The following TTC27 variants were observed in gnomAD, a reference collection of about 807,000 sequenced individuals.
TTC27 encodes the protein tetratricopeptide repeat domain 27.
A neutral mutation model predicts 115.9 loss-of-function variants in TTC27; 79 were observed. The ratio of observed to expected loss-of-function variants is 0.68; its 90% CI spans 0.57 to 0.82. The LOEUF is 0.82. Among genes scored for constraint, TTC27 ranks in the 40% least tolerant of loss-of-function variants. TTC27 has a pLI of 0.00. For synonymous variants in TTC27, 401 were observed against 356.0 expected (o/e 1.13, Z -1.42); for missense variants, 1,054 against 993.1 (o/e 1.06, Z -0.82).
intron 3 of TTC27, among the ~76,000 whole-genome samples, chr2:32,635,516 C>G (rs1664384822): frequency 6.6e-6 from 1 of 151,954 alleles, no homozygotes; most frequent in East Asian, 1.9e-4. Flanking sequence ...GAAACTCCGT[C>G]TTACTAAAAA....
intron 4 of TTC27, among the ~76,000 whole-genome samples, chr2:32,640,941 C>T (rs1405527840): frequency 6.6e-6 from 1 of 152,052 alleles, no homozygotes; most frequent in African/African-American, 2.4e-5. Context: ...GTGATTGCGC[C>T]ATTGCACTCC....
intron 13 of TTC27, among the ~76,000 whole-genome samples, chr2:32,770,282 T>C (rs112080528): frequency 1.0e-3 from 157 of 152,338 alleles, no homozygotes; most frequent in Non-Finnish European, 1.9e-3. Flanking sequence ...GAGTTACTTA[T>C]TGTTTTTACC....
chr2:32,637,436 A>G (rs1664470701), intron 3 of TTC27, among the ~76,000 whole-genome samples: 1 of 151,706 alleles, frequency 6.6e-6, no homozygotes. Flanking sequence ...GGTTCAAGTG[A>G]TTCTCCTGCC....
At chr2:32,776,927 A>G (rs1233780596) in intron 13 of TTC27, among the ~76,000 whole-genome samples, 2 of 152,032 alleles carry the variant, frequency 1.3e-5, no homozygotes, top group Non-Finnish European at 2.9e-5. Context: ...TGTTAGTTTT[A>G]TCTCCCTTTT....
intron 3 of TTC27, among the ~76,000 whole-genome samples, chr2:32,634,364 A>G: frequency 6.6e-6 from 1 of 151,716 alleles, no homozygotes; most frequent in Non-Finnish European, 1.5e-5. Context: ...GCTGGATTAC[A>G]GCTCACTGCA....
In TTC27 at chr2:32,733,820, C is replaced by T. The variant is rs1668369874; in HGVS notation, c.1234-8C>T. Reference sequence around the variant, plus strand: ...TATAGATTCTGATTGTGATATATGTCCTTTAAGGCTCTTGCAGACCAATTT... The same window carrying T: ...TATAGATTCTGATTGTGATATATGTTCTTTAAGGCTCTTGCAGACCAATTT... On this transcript the variant is annotated splice_region_variant and splice_polypyrimidine_tract_variant and intron_variant, in intron 10 of 19. Transcript: ENST00000317907. The T allele has an allele frequency of 6.3e-7, 1 of 1,592,246 alleles. No individual in the cohort carries two copies.
Position 32,640,375 on chromosome 2 carries a change from C to G in TTC27, c.502C>G (p.Leu168Val). ...ACTACTGTTATTAGCACGCATTATC[C>G]TAGTGAATGTAAGACATAAACTGAC... is the stretch of plus-strand genomic sequence containing the variant. ...PILLLLARII[L>V]VNVRHKLTAI... is the part of the protein sequence containing the mutation. The change falls in exon 4 of 20, where the codon CTA (leucine) becomes GTA (valine). Residue 168 changes from leucine (L) to valine (V), a missense_variant. Physicochemically the swap from Leu to Val is conservative, Grantham distance 32. Transcript: ENST00000317907. 1 of 1,613,896 alleles carries G rather than the reference C, an allele frequency of 6.2e-7. No homozygotes were observed. The highest frequency in any genetic ancestry group is 1.1e-5 in the South Asian group (1 of 91,068).
chr2:32,791,372 TG>T (rs1438202480), intron 16 of TTC27, among the ~76,000 whole-genome samples: 1 of 152,226 alleles, frequency 6.6e-6, no homozygotes, highest in East Asian at 1.9e-4. Flanking sequence ...GTTGTTTATA[TG>T]TGGAAGAGGA....
chr2:32,805,517 T>C (rs1345733041), intron 16 of TTC27, among the ~76,000 whole-genome samples: 2 of 152,192 alleles, frequency 1.3e-5, no homozygotes, highest in Non-Finnish European at 2.9e-5. Flanking sequence ...TTTAATGAAA[T>C]CGGGTAGGTC....
chr2:32,652,666 G>A (rs1665173307), intron 5 of TTC27, among the ~76,000 whole-genome samples: 1 of 152,076 alleles, frequency 6.6e-6, no homozygotes, highest in Admixed American at 6.6e-5. Context: ...GTCCATTTTG[G>A]CTAGGTCTAA....
chr2:32,648,888 G>A (rs1270503292), intron 4 of TTC27, among the ~76,000 whole-genome samples: 1 of 152,078 alleles, frequency 6.6e-6, no homozygotes, highest in East Asian at 1.9e-4. Context: ...GACATGGCCA[G>A]TAGTCCTAGC....
chr2:32,814,052 T>G (rs1671402310), intron 18 of TTC27, among the ~76,000 whole-genome samples: 1 of 152,170 alleles, frequency 6.6e-6, no homozygotes, highest in African/African-American at 2.4e-5. Flanking sequence ...ACTGATGTAT[T>G]AGGTACATAA....
At chr2:32,750,556 G>A (rs1056038749) in intron 12 of TTC27, among the ~76,000 whole-genome samples, 1 of 152,200 alleles carries the variant, frequency 6.6e-6, no homozygotes, top group South Asian at 2.1e-4. Context: ...CTATGCAAGG[G>A]TTTAGTTGTT....
intron 15 of TTC27, among the ~76,000 whole-genome samples, chr2:32,784,646 G>A (rs1670290785): frequency 6.6e-6 from 1 of 152,166 alleles, no homozygotes; most frequent in Admixed American, 6.5e-5. Flanking sequence ...GAATCCTGAA[G>A]TGAAGCACCT....
chr2:32,647,582 T>C (rs1365165473), intron 4 of TTC27, among the ~76,000 whole-genome samples: 1 of 152,216 alleles, frequency 6.6e-6, no homozygotes, highest in Admixed American at 6.5e-5. Flanking sequence ...GTTGTAGTAG[T>C]TGTGGTGTAT....
At chr2:32,660,406 A>G (rs1242255767) in intron 5 of TTC27, among the ~76,000 whole-genome samples, 1 of 152,202 alleles carries the variant, frequency 6.6e-6, no homozygotes, top group Non-Finnish European at 1.5e-5. Flanking sequence ...ACCATGGAAT[A>G]CCATGCGGCT....
At chr2:32,744,641 C>T (rs1439270980) in intron 12 of TTC27, among the ~76,000 whole-genome samples, 1 of 152,142 alleles carries the variant, frequency 6.6e-6, no homozygotes, top group Non-Finnish European at 1.5e-5. Context: ...TTCTTTCAAC[C>T]TCTCTGAGGT....
intron 5 of TTC27, among the ~76,000 whole-genome samples, chr2:32,654,085 G>C (rs1027082064): frequency 6.6e-5 from 10 of 152,070 alleles, no homozygotes; most frequent in African/African-American, 2.4e-4. Context: ...GTTTGGAAAG[G>C]CCCTTTAGAG....
chr2:32,641,908 T>C (rs1463632292), intron 4 of TTC27, among the ~76,000 whole-genome samples: 1 of 152,156 alleles, frequency 6.6e-6, no homozygotes, highest in African/African-American at 2.4e-5. Flanking sequence ...CAGGCTGGAG[T>C]GCAGTGGCGT....
Sources: allele counts gnomAD v4.1 joint callset (sites outside exome capture counted in the v4.1 genomes callset), GRCh38; gene constraint gnomAD v4.1.1; transcripts MANE v1.5; gene names NCBI Gene and HGNC (gene_info 2026-07-23, HGNC 2026-07-21).